The following IFRD1 variants were observed in gnomAD, a reference collection of about 807,000 sequenced individuals.
The protein encoded by IFRD1 is interferon-related developmental regulator 1.
Under a neutral mutation model 52.9 loss-of-function variants are expected in IFRD1, and 35 were observed. That is an observed-to-expected ratio of 0.66 (90% CI 0.51 to 0.88). The LOEUF is 0.88. Ranked by LOEUF, IFRD1 falls within the 40% of genes least tolerant of loss-of-function variation. The pLI, the probability that IFRD1 is intolerant of heterozygous loss-of-function variation, is 0.00. For synonymous variants in IFRD1, 184 were observed against 188.4 expected, an observed-to-expected ratio of 0.98 and a Z score of 0.19; for missense variants, 517 against 550.8, an observed-to-expected ratio of 0.94 and a Z score of 0.61.
intron 3 of IFRD1, 84 bp downstream of exon 3, chr7:112,456,170 T>A: frequency 1.2e-6 from 1 of 807,462 alleles, no homozygotes; most frequent in South Asian, 1.4e-5. Context: ...TTCTGTGTGA[T>A]TCTAATCAGT....
Position 112,475,898 on chromosome 7 carries a change from G to C in IFRD1, c.*379G>C, listed in dbSNP as rs995824643. On this transcript the variant is annotated 3_prime_UTR_variant, in exon 12 of 12. Coordinates refer to ENST00000403825, the MANE Select transcript of IFRD1 (RefSeq NM_001550.4). ...ATTTAACTTAATATCTTAGACAAGA[G>C]TTCTGGGTACAATTTTGGGATCTAG... 5.9e-6 allele frequency: 1 copy of C among 170,308 alleles called. No individual in the cohort carries two copies. The highest frequency in any genetic ancestry group is 1.3e-5 in the Non-Finnish European group (1 of 79,392). 10.5% of individuals were successfully genotyped at this position (170,308 alleles called of 1,614,324 possible).
chr7:112,457,112 G>A (rs1185514743), intron 4 of IFRD1, 74 bp downstream of exon 4: 1 of 1,466,242 alleles, frequency 6.8e-7, no homozygotes, highest in Non-Finnish European at 9.5e-7. Context: ...GTAACATTTA[G>A]TAATAGCACT....
At chr7:112,430,126 C>G (rs947582713) in intron 1 of IFRD1, among the ~76,000 whole-genome samples, 1 of 152,204 alleles carries the variant, frequency 6.6e-6, no homozygotes, top group Non-Finnish European at 1.5e-5. Flanking sequence ...GCTGCCCACT[C>G]TCATTCCACA....
intron 1 of IFRD1, among the ~76,000 whole-genome samples, chr7:112,444,683 A>G (rs1313007578): frequency 1.3e-5 from 2 of 151,928 alleles, no homozygotes; most frequent in African/African-American, 2.4e-5. Flanking sequence ...AAGAGACTCT[A>G]AAAAAAAGGG....
chr7:112,437,212 G>A (rs150663537), intron 1 of IFRD1: 1 of 154,868 alleles, frequency 6.5e-6, no homozygotes, highest in East Asian at 1.9e-4. Context: ...AGGAGCCAGT[G>A]AGGAGTTATA....
intron 9 of IFRD1, among the ~76,000 whole-genome samples, chr7:112,471,880 CT>C (rs1795756866): frequency 6.6e-6 from 1 of 152,094 alleles, no homozygotes; most frequent in Admixed American, 6.5e-5. Context: ...TGTTCTGCAA[CT>C]TTCTTCCCTC....
At chr7:112,456,792 G>T in intron 3 of IFRD1, 122 bp from the exon 4 acceptor site, 1 of 872,550 alleles carries the variant, frequency 1.1e-6, no homozygotes, top group Non-Finnish European at 1.8e-6. Flanking sequence ...GTTAGAGCTT[G>T]ATGAGAATTA....
intron 8 of IFRD1, among the ~76,000 whole-genome samples, chr7:112,464,980 G>C (rs968663970): frequency 6.6e-6 from 1 of 152,162 alleles, no homozygotes; most frequent in African/African-American, 2.4e-5. Flanking sequence ...CTGACTCTGT[G>C]TAAAAATATC....
At position 112,458,337 on chromosome 7, in the gene IFRD1, AT is replaced by A. The variant is rs1388478743; in HGVS notation, c.410-523del. 3.5e-4 allele frequency: 54 copies of A among 153,566 alleles called. 1 individual carries two copies. Among genetic ancestry groups the A allele is most frequent in the South Asian group, 1.4e-3 (7 of 5,070 alleles). The allele number at this position is 153,566 out of a possible 1,614,324, so 9.5% of individuals were successfully genotyped here. ...CTGTCTCAAAAAAAAAAAAAAATAA[AT>A]AAAGTTAATAAATGTATTTTTTACG... On this transcript the variant is annotated intron_variant, in intron 4 of 11. Coordinates refer to ENST00000403825, the MANE Select transcript of IFRD1 (RefSeq NM_001550.4).
At chr7:112,442,452 CA>C (rs540530243) in intron 1 of IFRD1, among the ~76,000 whole-genome samples, 51 of 152,284 alleles carry the variant, frequency 3.3e-4, no homozygotes, top group African/African-American at 1.2e-3. Context: ...ATCAATAAGG[CA>C]GGGATTATTG....
intron 9 of IFRD1, among the ~76,000 whole-genome samples, 179 bp from the exon 10 acceptor site, chr7:112,472,040 C>G (rs1396677401): frequency 2.6e-5 from 4 of 152,194 alleles, no homozygotes; most frequent in Non-Finnish European, 5.9e-5. Flanking sequence ...TAGACCAATT[C>G]TACACCCTTA....
chr7:112,462,437 T>A, intron 8 of IFRD1, 59 bp downstream of exon 8: 1 of 1,142,892 alleles, frequency 8.7e-7, no homozygotes, highest in Non-Finnish European at 1.3e-6. Context: ...GTTCCATCAT[T>A]ACCTTGCAAT....
intron 1 of IFRD1, among the ~76,000 whole-genome samples, chr7:112,442,821 T>C (rs577572562): frequency 3.3e-5 from 5 of 152,280 alleles, no homozygotes; most frequent in African/African-American, 1.2e-4. Context: ...GTTGAAGGAA[T>C]TGAGACTTTT....
intron 1 of IFRD1, among the ~76,000 whole-genome samples, chr7:112,428,548 A>T (rs1027799727): frequency 1.3e-5 from 2 of 152,180 alleles, no homozygotes; most frequent in African/African-American, 2.4e-5. Flanking sequence ...AGGAAATAGG[A>T]TGAAGGATAA....
At chr7:112,458,589 C>T (rs1409489101) in intron 4 of IFRD1, among the ~76,000 whole-genome samples, 1 of 152,132 alleles carries the variant, frequency 6.6e-6, no homozygotes. Flanking sequence ...AGATACTAAT[C>T]TCCATTTTAC....
intron 4 of IFRD1, 94 bp from the exon 5 acceptor site, chr7:112,458,767 C>G: frequency 8.5e-7 from 1 of 1,170,766 alleles, no homozygotes. Context: ...ATGGTAAATG[C>G]TATTTTGTCA....
At chr7:112,468,585 C>T (rs536745648) in intron 9 of IFRD1, among the ~76,000 whole-genome samples, 12 of 152,144 alleles carry the variant, frequency 7.9e-5, no homozygotes, top group East Asian at 3.9e-4. Context: ...CTGCAACCTC[C>T]GCCTCCCGGG....
intron 1 of IFRD1, chr7:112,435,681 C>T (rs548758996): frequency 2.6e-5 from 2 of 76,956 alleles, no homozygotes; most frequent in African/African-American, 6.9e-5. Flanking sequence ...ATGCCACATA[C>T]TCTGACTGCA....
In IFRD1 at chr7:112,475,638, A is replaced by G. The variant is rs1035664978; in HGVS notation, c.*119A>G. ...TTAGATAACTTTTGTAGCAGTGGTTATATTGCTTATAATTTAATGTACAAT... is the reference window on the plus strand; with the variant it reads ...TTAGATAACTTTTGTAGCAGTGGTTGTATTGCTTATAATTTAATGTACAAT... On this transcript the variant is annotated 3_prime_UTR_variant, in exon 12 of 12. Transcript: ENST00000403825. The G allele has an allele frequency of 7.4e-6, 5 of 675,040 alleles. No individual in the cohort carries two copies. Among genetic ancestry groups the G allele is most frequent in the South Asian group, 1.7e-5 (1 of 59,516 alleles). The allele number at this position is 675,040 out of a possible 1,614,324, so 41.8% of individuals were successfully genotyped here. A position where few individuals can be genotyped will look rare whatever the true frequency, so the allele number is the denominator to read the frequency against.
Sources: gnomAD v4.1 joint callset for allele counts (sites outside exome capture counted in the v4.1 genomes callset) on GRCh38, gnomAD v4.1.1 for gene constraint, MANE v1.5 for transcripts, NCBI Gene and HGNC (gene_info 2026-07-23, HGNC 2026-07-21) for gene names.